The following ZAN variants were observed in gnomAD, a reference collection of about 807,000 sequenced individuals.
ZAN encodes the protein zonadhesin (gene/pseudogene).
ZAN carries 260 observed loss-of-function variants against 286.2 expected under a neutral mutation model. That is an observed-to-expected ratio of 0.91 (90% CI 0.82 to 1.01). The LOEUF (loss-of-function observed/expected upper bound fraction) is 1.01, where lower values mean the gene tolerates loss of function less well. Among genes scored for constraint, ZAN ranks in the 50% least tolerant of loss-of-function variants. The probability of loss-of-function intolerance (pLI) is 0.00; values close to 1 mark genes in which losing one functional copy is unlikely to be tolerated. For missense variants in ZAN, 3,410 were observed against 3,639.2 expected (o/e 0.94, Z 1.62); for synonymous variants, 1,368 against 1,417.5 (o/e 0.97, Z 0.79).
chr7:100,743,377 C>A (rs1807949552), intron 7 of ZAN, among the ~76,000 whole-genome samples: 2 of 151,934 alleles, frequency 1.3e-5, no homozygotes, highest in Admixed American at 1.3e-4. Flanking sequence ...CCACCACCTC[C>A]CTGTGCACTC....
At chr7:100,775,963 T>A in intron 33 of ZAN, 130 bp downstream of exon 33, 1 of 1,225,452 alleles carries the variant, frequency 8.2e-7, no homozygotes, top group Non-Finnish European at 1.1e-6. Context: ...AGCAGGGCAG[T>A]GGAGGAGTGC....
Position 100,788,008 on chromosome 7 carries a change from G to A in ZAN, c.7099G>A (p.Gly2367Arg), listed in dbSNP as rs373918971. ...CAAGACTGTGGACGTACTGCCTGAG[G>A]GGGTGGAGCCCCTCCTCGTGGAAGG... Reference protein sequence around the residue: ...LIKTVDVLPEGVEPLLVEGRN... With the variant: ...LIKTVDVLPERVEPLLVEGRN... Residue 2367 changes from glycine (G) to arginine (R), a missense_variant, in exon 38 of 48, where the codon GGG becomes AGG. This residue lies in a region of ZAN where 1,289 missense variants were observed against 1,314.3 expected (regional missense o/e 0.98). Transcript: ENST00000613979. 188 of 1,600,458 alleles carry A rather than the reference G, an allele frequency of 1.2e-4. No individual in the cohort carries two copies. In the African/African-American group the frequency reaches 2.3e-3, roughly 19 times the overall value.
At chr7:100,773,261 T>C in intron 29 of ZAN, 24 bp from the exon 30 acceptor site, 1 of 1,609,274 alleles carries the variant, frequency 6.2e-7, no homozygotes. Flanking sequence ...ACCCCACTCT[T>C]CCTAATGCTC....
intron 7 of ZAN, among the ~76,000 whole-genome samples, chr7:100,741,133 G>A (rs1807723438): frequency 1.6e-5 from 1 of 60,984 alleles, no homozygotes. Context: ...CCTCCCGGAC[G>A]GGGCGGCTGG....
Position 100,794,006 on chromosome 7 carries a change from C to T in ZAN, c.7974C>T (p.Gly2658=). 1 of 1,613,398 alleles carries T rather than the reference C, an allele frequency of 6.2e-7. No individual in the cohort carries two copies. Among genetic ancestry groups the T allele is most frequent in the Non-Finnish European group, 8.5e-7 (1 of 1,179,726 alleles). ...CTGACTGTGGCTGCACCAGCAATGGCATCTACTACCAGGTCTGAGCTGGCA... is the reference window on the plus strand; with the variant it reads ...CTGACTGTGGCTGCACCAGCAATGGTATCTACTACCAGGTCTGAGCTGGCA... ...PLADCGCTSN[G]IYYQLGSSFL... The change falls in exon 43 of 48, where the codon GGC becomes GGT. Residue 2658 remains glycine (G), a synonymous_variant. Coordinates refer to ENST00000613979, the MANE Select transcript of ZAN (RefSeq NM_003386.3).
intron 7 of ZAN, among the ~76,000 whole-genome samples, chr7:100,744,856 A>T (rs1383609949): frequency 2.8e-5 from 4 of 141,810 alleles, no homozygotes; most frequent in Admixed American, 1.4e-4. Context: ...TCTGTTTCTC[A>T]TAGGTCTCCT....
At chr7:100,766,081 G>A (rs1809950201) in intron 23 of ZAN, among the ~76,000 whole-genome samples, 1 of 151,998 alleles carries the variant, frequency 6.6e-6, no homozygotes, top group South Asian at 2.1e-4. Context: ...CCGCCTCCCA[G>A]GTTCAAGCGA....
Position 100,767,130 on chromosome 7 carries a change from A to T in ZAN, c.4733A>T (p.Asp1578Val), listed in dbSNP as rs760723078. ...CGGCCTTGCTGGTCCAGGTCCCAAG[A>T]CAGCTATTTTGTTGTGAGCGCCACC... ...LTRPCWSRSQ[D>V]SYFVVSATNE... Residue 1578 changes from aspartate (D) to valine (V), a missense_variant, in exon 25 of 48, where the codon GAC becomes GTC. Asp to Val is a radical substitution (Grantham distance 152). This residue lies in a region of ZAN where 1,042 missense variants were observed against 1,058.0 expected (regional missense o/e 0.98). Transcript: ENST00000613979. 1 of 1,613,726 alleles carries T rather than the reference A, an allele frequency of 6.2e-7. No individual in the cohort carries two copies.
chr7:100,764,161 A>G lies in ZAN; in HGVS notation c.4232A>G (p.His1411Arg). ...TMTTTCQDAG[H>R]AVKPWREPHF... ...ACCACCACCTGCCAGGACGCAGGCC[A>G]CGCTGTGAAGCCCTGGAGGGAACCC... The change falls in exon 22 of 48, where the codon CAC becomes CGC. Residue 1411 changes from histidine to arginine, a missense_variant. Around this residue, in one of 7 missense-constraint regions of ZAN, gnomAD observed 1,042 missense variants for 1,058.0 expected, o/e 0.98. Coordinates refer to ENST00000613979, the MANE Select transcript of ZAN (RefSeq NM_003386.3). The G allele has an allele frequency of 1.5e-5, 24 of 1,603,612 alleles. No homozygotes were observed. The highest frequency in any genetic ancestry group is 2.0e-5 in the Non-Finnish European group (24 of 1,175,350).
chr7:100,740,341 C>G (rs1807652140), intron 7 of ZAN, among the ~76,000 whole-genome samples: 1 of 100,682 alleles, frequency 9.9e-6, no homozygotes, highest in Admixed American at 9.6e-5. Context: ...TTGGGTGTTT[C>G]TCACAGAGGG....
At chr7:100,786,191 G>A in intron 37 of ZAN, 50 bp downstream of exon 37, 1 of 1,607,436 alleles carries the variant, frequency 6.2e-7, no homozygotes. Flanking sequence ...TGTGGCCAGG[G>A]CGGAGGTGGA....
At chr7:100,738,420 A>G in intron 6 of ZAN, 41 bp from the exon 7 acceptor site, 1 of 1,435,172 alleles carries the variant, frequency 7.0e-7, no homozygotes, top group Non-Finnish European at 9.5e-7. Flanking sequence ...TCTCTAAAAA[A>G]GAAGAAAACA....
At chr7:100,768,536 A>AG in intron 26 of ZAN, 74 bp from the exon 27 acceptor site, 2 of 1,248,626 alleles carry the variant, frequency 1.6e-6, no homozygotes, top group East Asian at 5.1e-5. Context: ...TGAGGGTGCC[A>AG]GGAGGATGGT....
chr7:100,773,292 G>T lies in ZAN; in HGVS notation c.5433G>T (p.Arg1811Ser), dbSNP rs377524420. Residue 1811 changes from arginine (R) to serine (S), a missense_variant, in exon 30 of 48, where the codon AGG becomes AGT. By Grantham distance (110) the Arg-to-Ser change is moderately radical. This residue lies in a region of ZAN where 1,289 missense variants were observed against 1,314.3 expected (regional missense o/e 0.98). Transcript: ENST00000613979. Reference protein sequence around the residue: ...AWRNRTFCPMRCPPGSSYSPC... With the variant: ...AWRNRTFCPMSCPPGSSYSPC... ...TGCTCTCATTTTCTTTAGCTATGAG[G>T]TGCCCACCTGGCAGCAGCTACAGCC... 6 of 1,613,006 alleles carry T rather than the reference G, an allele frequency of 3.7e-6. No individual in the cohort carries two copies. In the African/African-American group the frequency reaches 6.7e-5, roughly 18 times the overall value.
Position 100,751,709 on chromosome 7 carries a change from C to T in ZAN, c.1607-3C>T. ...CTCCAGGGATTCTTATTTTTCTTTG[C>T]AGTAAAAGTGCTACCAGAGCTTCCT... On this transcript the variant is annotated splice_region_variant and splice_polypyrimidine_tract_variant and intron_variant, in intron 13 of 47. Coordinates refer to ENST00000613979, the MANE Select transcript of ZAN (RefSeq NM_003386.3). 1 of 1,572,288 alleles carries T rather than the reference C, an allele frequency of 6.4e-7. No individual in the cohort carries two copies. Among genetic ancestry groups the T allele is most frequent in the Non-Finnish European group, 8.6e-7 (1 of 1,166,254 alleles).
rs201526012 is a variant in ZAN, at chr7:100,744,877, T to TTG, written c.767-1660_767-1659insGT. Reference sequence around the variant, plus strand: ...TCTCATAGGTCTCCTTGGTTTTTTTTTTGTTGTTGTTGTTTGTTTGTTTTT... The same window carrying TTG: ...TCTCATAGGTCTCCTTGGTTTTTTTTTGTTGTTGTTGTTGTTTGTTTGTTTTT... On this transcript the variant is annotated intron_variant, in intron 7 of 47. Transcript: ENST00000613979. Among the ~76,000 whole-genome samples, 1,253 of 151,192 alleles carry TTG rather than the reference T, an allele frequency of 8.3e-3. 55 individuals carry two copies. The highest frequency in any genetic ancestry group is 0.029 in the African/African-American group (1,205 of 41,002).
chr7:100,767,103 C>T lies in ZAN; in HGVS notation c.4706C>T (p.Thr1569Ile). The part of the protein sequence containing the change: ...HFMGTCTYVL[T>I]RPCWSRSQDS... ...ATGGGCACCTGCACCTATGTCCTGA[C>T]CCGGCCTTGCTGGTCCAGGTCCCAA... Residue 1569 changes from threonine (T) to isoleucine (I), a missense_variant, in exon 25 of 48, where the codon ACC becomes ATC. Around this residue, in one of 7 missense-constraint regions of ZAN, gnomAD observed 1,042 missense variants for 1,058.0 expected, o/e 0.98. Coordinates refer to ENST00000613979, the MANE Select transcript of ZAN (RefSeq NM_003386.3). 1.9e-6 allele frequency: 3 copies of T among 1,613,930 alleles called. No homozygotes were observed. Among genetic ancestry groups the T allele is most frequent in the South Asian group, 2.2e-5 (2 of 91,070 alleles).
intron 22 of ZAN, among the ~76,000 whole-genome samples, 194 bp from the exon 23 acceptor site, chr7:100,765,153 AGGGCC>A (rs1809865332): frequency 6.6e-6 from 1 of 152,138 alleles, no homozygotes; most frequent in South Asian, 2.1e-4. Context: ...TAAGTCTCTC[AGGGCC>A]GGCGCCTTAG....
intron 41 of ZAN, 27 bp downstream of exon 41, chr7:100,792,175 G>A (rs755499253): frequency 1.3e-6 from 2 of 1,575,258 alleles, no homozygotes; most frequent in Non-Finnish European, 1.7e-6. Context: ...GGACTTGTGG[G>A]AATGGCCCAG....
Sources: allele counts gnomAD v4.1 joint callset (sites outside exome capture counted in the v4.1 genomes callset), GRCh38; gene constraint gnomAD v4.1.1; regional missense constraint gnomAD v4.1.1; transcripts MANE v1.5; gene names NCBI Gene and HGNC (gene_info 2026-07-23, HGNC 2026-07-21).